PTPRQ: variants seen among roughly 807,000 people sequenced by gnomAD.
PTPRQ encodes the protein protein tyrosine phosphatase receptor type Q, also known as phosphatidylinositol phosphatase PTPRQ.
In PTPRQ, 199 loss-of-function variants were observed where a neutral mutation model predicts 246.0. That is an observed-to-expected ratio of 0.81 (90% CI 0.72 to 0.91). PTPRQ has a LOEUF of 0.91. PTPRQ is among the 40% of genes least tolerant of loss of function. The pLI, the probability that PTPRQ is intolerant of heterozygous loss-of-function variation, is 0.00. For missense variants in PTPRQ, 2,624 were observed against 2,528.4 expected, an observed-to-expected ratio of 1.04 and a Z score of -0.81; for synonymous variants, 869 against 853.2, an observed-to-expected ratio of 1.02 and a Z score of -0.32.
Position 80,679,472 on chromosome 12 carries a change from A to G in PTPRQ, c.*449A>G, listed in dbSNP as rs985687322. ...TTCCAGGACTGTCATAATGATCTGT[A>G]CTTCCATGTACACCCCTGTGTTTTG... is the stretch of plus-strand genomic sequence containing the variant. On this transcript the variant is annotated 3_prime_UTR_variant, in exon 45 of 45. Transcript: ENST00000644991. The G allele has an allele frequency of 6.5e-6, 1 of 153,956 alleles. No homozygotes were observed. The highest frequency in any genetic ancestry group is 1.4e-5 in the Non-Finnish European group (1 of 69,414). The allele number at this position is 153,956 out of a possible 1,614,324, so 9.5% of individuals were successfully genotyped here.
intron 17 of PTPRQ, 128 bp downstream of exon 17, chr12:80,510,571 A>G: frequency 1.0e-6 from 1 of 983,438 alleles, no homozygotes. Flanking sequence ...GCTAGTTAAT[A>G]TGTTTTGATT....
At chr12:80,608,420 T>A (rs551141666) in intron 27 of PTPRQ, among the ~76,000 whole-genome samples, 2 of 150,614 alleles carry the variant, frequency 1.3e-5, no homozygotes, top group African/African-American at 4.8e-5. Context: ...ACTGCCAAAT[T>A]TGAGGACCGA....
At chr12:80,565,109 C>T (rs1896939522) in intron 25 of PTPRQ, among the ~76,000 whole-genome samples, 1 of 152,102 alleles carries the variant, frequency 6.6e-6, no homozygotes, top group Non-Finnish European at 1.5e-5. Context: ...TTTAAAGTTC[C>T]TACATTCATA....
chr12:80,593,122 T>C (rs983864066), intron 26 of PTPRQ, among the ~76,000 whole-genome samples: 1 of 152,156 alleles, frequency 6.6e-6, no homozygotes, highest in East Asian at 1.9e-4. Flanking sequence ...ACAAAATAAC[T>C]ATCTCAGAGA....
At position 80,496,382 on chromosome 12, in the gene PTPRQ, C is replaced by A; in HGVS notation, c.2123C>A (p.Thr708Asn). ...GAAGTGCTATATAAAAATATAGATA[C>A]TTTATATATGAAGAACACATCAACA... is the stretch of plus-strand genomic sequence containing the variant. Reference protein sequence around the residue: ...AYEVLYKNIDTLYMKNTSTTD... With the variant: ...AYEVLYKNIDNLYMKNTSTTD... Residue 708 changes from threonine (T) to asparagine (N), a missense_variant, in exon 14 of 45, where the codon ACT becomes AAT. Physicochemically the swap from Thr to Asn is moderately conservative, Grantham distance 65. Coordinates refer to ENST00000644991, the MANE Select transcript of PTPRQ (RefSeq NM_001145026.2). 4 of 1,550,370 alleles carry A rather than the reference C, an allele frequency of 2.6e-6. No homozygotes were observed. The highest frequency in any genetic ancestry group is 3.5e-6 in the Non-Finnish European group (4 of 1,146,186).
intron 8 of PTPRQ, among the ~76,000 whole-genome samples, chr12:80,483,955 A>G (rs1186259811): frequency 6.6e-6 from 1 of 151,158 alleles, no homozygotes; most frequent in Non-Finnish European, 1.5e-5. Context: ...AACAAAATAA[A>G]TTGTTTTTGT....
intron 25 of PTPRQ, among the ~76,000 whole-genome samples, chr12:80,552,694 T>TATATATATATATA (rs1896523151): frequency 4.8e-5 from 6 of 123,842 alleles, no homozygotes; most frequent in African/African-American, 6.1e-5. Context: ...TATATATATA[T>TATATATATATATA]TTGGAAATTT....
In PTPRQ at chr12:80,649,577, T is replaced by C. The variant is rs922802117; in HGVS notation, c.5943-11T>C. ...AACATGACCCTATTTTATACCTTTCTTTACTTGGAGGCCAATAAGCAAGAA... is the reference window on the plus strand; with the variant it reads ...AACATGACCCTATTTTATACCTTTCCTTACTTGGAGGCCAATAAGCAAGAA... On this transcript the variant is annotated splice_polypyrimidine_tract_variant and intron_variant, in intron 36 of 44. Coordinates refer to ENST00000644991, the MANE Select transcript of PTPRQ (RefSeq NM_001145026.2). 20 of 1,549,890 alleles carry C rather than the reference T, an allele frequency of 1.3e-5. No individual in the cohort carries two copies. Among genetic ancestry groups the C allele is most frequent in the Non-Finnish European group, 1.7e-5 (20 of 1,145,878 alleles).
At chr12:80,473,619 T>G (rs1053213069) in intron 8 of PTPRQ, among the ~76,000 whole-genome samples, 1 of 152,252 alleles carries the variant, frequency 6.6e-6, no homozygotes, top group Non-Finnish European at 1.5e-5. Flanking sequence ...ATATTTTTAT[T>G]GTCATCATTC....
chr12:80,633,610 A>G (rs1337659854), intron 34 of PTPRQ, among the ~76,000 whole-genome samples: 1 of 152,240 alleles, frequency 6.6e-6, no homozygotes, highest in African/African-American at 2.4e-5. Flanking sequence ...TCTAAATGCC[A>G]TGCATTATGG....
At chr12:80,448,246 A>C (rs10047551) in intron 3 of PTPRQ, among the ~76,000 whole-genome samples, 14,677 of 152,054 alleles carry the variant, frequency 0.097, 1,510 homozygotes, top group African/African-American at 0.25. Flanking sequence ...TTTGTATCCC[A>C]AAACTTTATT....
At chr12:80,584,546 T>C (rs1469052578) in intron 25 of PTPRQ, among the ~76,000 whole-genome samples, 1 of 152,188 alleles carries the variant, frequency 6.6e-6, no homozygotes, top group Non-Finnish European at 1.5e-5. Context: ...TGACAAGCTA[T>C]CTATAGTTTC....
chr12:80,492,583 T>G (rs1003882333), intron 9 of PTPRQ, among the ~76,000 whole-genome samples: 2 of 152,018 alleles, frequency 1.3e-5, no homozygotes, highest in Non-Finnish European at 2.9e-5. Context: ...AATGAAAACC[T>G]CTACTGTATT....
intron 9 of PTPRQ, among the ~76,000 whole-genome samples, chr12:80,486,660 T>G (rs1192633712): frequency 6.6e-6 from 1 of 152,174 alleles, no homozygotes; most frequent in Non-Finnish European, 1.5e-5. Flanking sequence ...TTGTTTTTCC[T>G]TTCTTTGACC....
chr12:80,642,871 G>T (rs1417016848), intron 35 of PTPRQ, among the ~76,000 whole-genome samples: 3 of 128,522 alleles, frequency 2.3e-5, no homozygotes, highest in Non-Finnish European at 4.7e-5. Context: ...AGTGAGCCGA[G>T]ATCCCGCCAC....
At chr12:80,627,345 TATAATA>T (rs10646490) in intron 33 of PTPRQ, among the ~76,000 whole-genome samples, 5,263 of 143,268 alleles carry the variant, frequency 0.037, 111 homozygotes, top group African/African-American at 0.063. Context: ...ACTCAATTTT[TATAATA>T]ATAATAATAA....
chr12:80,603,253 G>T (rs1300927884), intron 26 of PTPRQ, among the ~76,000 whole-genome samples: 2 of 149,048 alleles, frequency 1.3e-5, no homozygotes, highest in Non-Finnish European at 3.0e-5. Context: ...TGTTTTACTT[G>T]GCCTTTTGGA....
intron 36 of PTPRQ, 80 bp downstream of exon 36, chr12:80,649,003 A>G: frequency 7.5e-7 from 1 of 1,334,556 alleles, no homozygotes; most frequent in Non-Finnish European, 9.9e-7. Context: ...TTAATGTGTG[A>G]TTCACTTTTT....
intron 30 of PTPRQ, among the ~76,000 whole-genome samples, chr12:80,618,854 AG>A (rs1898866525): frequency 6.6e-6 from 1 of 151,578 alleles, no homozygotes; most frequent in African/African-American, 2.4e-5. Flanking sequence ...GAGCCCCATT[AG>A]AAAAAGCAAA....
Sources: gnomAD v4.1 joint callset for allele counts (sites outside exome capture counted in the v4.1 genomes callset) on GRCh38, gnomAD v4.1.1 for gene constraint, MANE v1.5 for transcripts, NCBI Gene and HGNC (gene_info 2026-07-23, HGNC 2026-07-21) for gene names.